The following ARID2 variants were observed in gnomAD, a reference collection of about 807,000 sequenced individuals.
The protein encoded by ARID2 is AT-rich interactive domain-containing protein 2.
A neutral mutation model predicts 184.6 loss-of-function variants in ARID2; 32 were observed. The ratio of observed to expected loss-of-function variants is 0.17; its 90% CI spans 0.13 to 0.23. The LOEUF (loss-of-function observed/expected upper bound fraction) is 0.23. Among genes scored for constraint, ARID2 ranks in the 10% least tolerant of loss-of-function variants. The probability of loss-of-function intolerance (pLI) is 1.00; values close to 1 mark genes in which losing one functional copy is unlikely to be tolerated. For missense variants in ARID2, 1,696 were observed against 2,197.6 expected, an observed-to-expected ratio of 0.77 and a Z score of 4.56; for synonymous variants, 836 against 772.6, an observed-to-expected ratio of 1.08 and a Z score of -1.36.
chr12:45,796,184 A>T (rs180793286), intron 3 of ARID2, among the ~76,000 whole-genome samples: 1 of 152,106 alleles, frequency 6.6e-6, no homozygotes, highest in African/African-American at 2.4e-5. Context: ...AAATTCAAAA[A>T]TTTTTAATAT....
intron 6 of ARID2, among the ~76,000 whole-genome samples, chr12:45,827,832 T>G (rs1943030977): frequency 6.6e-6 from 1 of 152,088 alleles, no homozygotes; most frequent in African/African-American, 2.4e-5. Context: ...AGGACCATGG[T>G]AAACAAAAGG....
intron 5 of ARID2, among the ~76,000 whole-genome samples, chr12:45,818,363 C>A (rs1028793357): frequency 2.6e-5 from 4 of 152,102 alleles, no homozygotes; most frequent in African/African-American, 9.7e-5. Context: ...TTTGATAAAT[C>A]AAATTCTTCA....
intron 3 of ARID2, among the ~76,000 whole-genome samples, chr12:45,779,463 T>C (rs1303859534): frequency 1.3e-5 from 2 of 152,166 alleles, no homozygotes; most frequent in Non-Finnish European, 2.9e-5. Flanking sequence ...ATTATAGTTT[T>C]AAGTGGATTA....
chr12:45,849,966 G>A (rs1943512842), intron 14 of ARID2, 70 bp from the exon 15 acceptor site: 1 of 1,516,538 alleles, frequency 6.6e-7, no homozygotes, highest in Non-Finnish European at 8.8e-7. Flanking sequence ...TTTCTCTTAA[G>A]TAAAATAATT....
chr12:45,790,556 A>G (rs928092391), intron 3 of ARID2, among the ~76,000 whole-genome samples: 1 of 152,076 alleles, frequency 6.6e-6, no homozygotes, highest in African/African-American at 2.4e-5. Flanking sequence ...TAGATACTTA[A>G]TTGTATGTTC....
At chr12:45,809,166 G>C (rs1330057109) in intron 3 of ARID2, among the ~76,000 whole-genome samples, 1 of 152,124 alleles carries the variant, frequency 6.6e-6, no homozygotes, top group Non-Finnish European at 1.5e-5. Flanking sequence ...ATTTTGATTA[G>C]ATAACAATTA....
At chr12:45,893,333 A>G (rs1016817384) in intron 18 of ARID2, 87 bp from the exon 19 acceptor site, 68 of 1,458,028 alleles carry the variant, frequency 4.7e-5, no homozygotes, top group Non-Finnish European at 6.1e-5. Flanking sequence ...TAACCAGCTT[A>G]AAGGGGTTGG....
intron 3 of ARID2, among the ~76,000 whole-genome samples, chr12:45,809,384 T>A (rs1242939197): frequency 6.6e-6 from 1 of 152,210 alleles, no homozygotes; most frequent in Non-Finnish European, 1.5e-5. Context: ...ATGTCTACAT[T>A]TATATATATT....
intron 16 of ARID2, among the ~76,000 whole-genome samples, chr12:45,888,572 C>T (rs886223245): frequency 2.0e-5 from 3 of 152,142 alleles, no homozygotes; most frequent in Non-Finnish European, 4.4e-5. Context: ...AAGACGTTAC[C>T]AGTACCTCCA....
chr12:45,826,727 A>G lies in ARID2; in HGVS notation c.705+5240A>G, dbSNP rs75438239. On this transcript the variant is annotated intron_variant, in intron 6 of 20. Coordinates refer to ENST00000334344, the MANE Select transcript of ARID2 (RefSeq NM_152641.4). ...AACCACCCTGTCTGCTCCCTTATAG[A>G]AGTAATTGATGCATGCTGTGGAAAA... 4.5e-3 allele frequency among the ~76,000 whole-genome samples: 691 copies of G among 152,132 alleles called. 4 individuals are homozygous for G. The highest frequency in any genetic ancestry group is 8.4e-3 in the Non-Finnish European group (571 of 67,978).
chr12:45,843,609 G>C (rs1040883115), intron 11 of ARID2, among the ~76,000 whole-genome samples: 1 of 151,874 alleles, frequency 6.6e-6, no homozygotes, highest in Non-Finnish European at 1.5e-5. Flanking sequence ...TTTTTATCAA[G>C]TTCTCATGAG....
chr12:45,795,292 G>A (rs1592081289), intron 3 of ARID2, among the ~76,000 whole-genome samples: 1 of 152,046 alleles, frequency 6.6e-6, no homozygotes, highest in Admixed American at 6.5e-5. Flanking sequence ...GTCTACTCCT[G>A]TTCTCATGAG....
intron 11 of ARID2, among the ~76,000 whole-genome samples, chr12:45,842,517 G>T (rs1342364977): frequency 6.6e-6 from 1 of 151,916 alleles, no homozygotes; most frequent in Non-Finnish European, 1.5e-5. Context: ...CCAGCACTTT[G>T]GGAGGCCAAG....
At chr12:45,769,554 A>G (rs893564662) in intron 3 of ARID2, among the ~76,000 whole-genome samples, 9 of 152,240 alleles carry the variant, frequency 5.9e-5, no homozygotes, top group African/African-American at 1.9e-4. Flanking sequence ...GTGGGACGCC[A>G]TGAAGTGTAC....
At chr12:45,901,138 T>C (rs1944451556) in intron 20 of ARID2, among the ~76,000 whole-genome samples, 1 of 150,598 alleles carries the variant, frequency 6.6e-6, no homozygotes, top group Non-Finnish European at 1.5e-5. Context: ...TAATCTATTT[T>C]TTGGAAATTT....
At chr12:45,819,072 G>A (rs1166864548) in intron 5 of ARID2, among the ~76,000 whole-genome samples, 1 of 152,092 alleles carries the variant, frequency 6.6e-6, no homozygotes, top group African/African-American at 2.4e-5. Context: ...GAATGGAGTT[G>A]AAAATTGTTT....
intron 16 of ARID2, chr12:45,873,947 G>T (rs1335152458): frequency 6.6e-6 from 1 of 152,140 alleles, no homozygotes; most frequent in Admixed American, 6.5e-5. Context: ...CACATCACTG[G>T]ACTCTTCCTT....
chr12:45,828,828 T>C lies in ARID2; in HGVS notation c.705+7341T>C, dbSNP rs139208783. Reference sequence around the variant, plus strand: ...TTGTAAGAGTTTTTTTTCTATATTTTGGATAAAATTTCTTTTTAAGATGTT... The same window carrying C: ...TTGTAAGAGTTTTTTTTCTATATTTCGGATAAAATTTCTTTTTAAGATGTT... On this transcript the variant is annotated intron_variant, in intron 6 of 20. Coordinates refer to ENST00000334344, the MANE Select transcript of ARID2 (RefSeq NM_152641.4). 1.4e-3 allele frequency among the ~76,000 whole-genome samples: 213 copies of C among 152,144 alleles called. 1 individual carries two copies. The highest frequency in any genetic ancestry group is 5.0e-3 in the African/African-American group (207 of 41,566).
At chr12:45,811,622 G>C (rs931402043) in intron 4 of ARID2, 71 bp downstream of exon 4, 9 of 1,522,318 alleles carry the variant, frequency 5.9e-6, no homozygotes, top group Non-Finnish European at 8.0e-6. Context: ...ATCATCCAAT[G>C]AGTTAGTCCC....
Sources: allele counts gnomAD v4.1 joint callset (sites outside exome capture counted in the v4.1 genomes callset), GRCh38; gene constraint gnomAD v4.1.1; transcripts MANE v1.5; gene names NCBI Gene and HGNC (gene_info 2026-07-23, HGNC 2026-07-21).